The following RHBDL3 variants were observed in gnomAD, a reference collection of about 807,000 sequenced individuals.
The protein encoded by RHBDL3 is rhomboid like 3, also known as rhomboid-related protein 3.
RHBDL3 carries 28 observed loss-of-function variants against 48.2 expected under a neutral mutation model. That is an observed-to-expected ratio of 0.58 (90% confidence interval 0.43 to 0.80). The LOEUF (loss-of-function observed/expected upper bound fraction) is 0.80, where lower values mean the gene tolerates loss of function less well. Among genes scored for constraint, RHBDL3 ranks in the 30% least tolerant of loss-of-function variants. The pLI is 0.00. For synonymous variants in RHBDL3, 208 were observed against 232.3 expected, an observed-to-expected ratio of 0.90 and a Z score of 0.95; for missense variants, 464 against 542.7, an observed-to-expected ratio of 0.85 and a Z score of 1.44.
chr17:32,291,976 T>G (rs1475716497), intron 4 of RHBDL3, among the ~76,000 whole-genome samples: 1 of 151,982 alleles, frequency 6.6e-6, no homozygotes, highest in Non-Finnish European at 1.5e-5. Context: ...TTCACCACAT[T>G]GGTCAGTCTG....
intron 7 of RHBDL3, among the ~76,000 whole-genome samples, chr17:32,312,300 T>C (rs2040863033): frequency 1.3e-5 from 2 of 152,018 alleles, no homozygotes; most frequent in Non-Finnish European, 2.9e-5. Flanking sequence ...CCGGGTGTGG[T>C]ACAGTGTGCC....
chr17:32,316,999 G>T (rs1362144672), intron 8 of RHBDL3, among the ~76,000 whole-genome samples: 1 of 151,736 alleles, frequency 6.6e-6, no homozygotes, highest in East Asian at 1.9e-4. Flanking sequence ...AGCCCCCCAA[G>T]TAGCTAGGAT....
chr17:32,296,426 C>G (rs1331661426), intron 5 of RHBDL3, among the ~76,000 whole-genome samples: 1 of 147,214 alleles, frequency 6.8e-6, no homozygotes, highest in Non-Finnish European at 1.5e-5. Context: ...GCCACCACCT[C>G]CTGGGTTCAA....
intron 6 of RHBDL3, among the ~76,000 whole-genome samples, chr17:32,301,586 C>T (rs543470613): frequency 4.3e-4 from 65 of 151,876 alleles, no homozygotes; most frequent in Admixed American, 2.4e-3. Context: ...TTTGGGAGGC[C>T]GAGGCGAGCA....
intron 6 of RHBDL3, among the ~76,000 whole-genome samples, chr17:32,301,821 C>CA (rs946768436): frequency 9.7e-4 from 131 of 134,838 alleles, no homozygotes; most frequent in East Asian, 1.7e-3. Flanking sequence ...AACTCTGCCT[C>CA]AAAAAAAAAA....
intron 2 of RHBDL3, among the ~76,000 whole-genome samples, chr17:32,283,344 T>C (rs563135912): frequency 1.5e-4 from 19 of 125,686 alleles, no homozygotes; most frequent in East Asian, 4.4e-4. Context: ...TTTTTTGAGA[T>C]GGAGTCTCGC....
At chr17:32,273,990 C>T (rs1452433479) in intron 2 of RHBDL3, among the ~76,000 whole-genome samples, 8 of 152,234 alleles carry the variant, frequency 5.3e-5, no homozygotes, top group Non-Finnish European at 1.2e-4. Flanking sequence ...CCTGCCTCAG[C>T]CTCCCAAAGT....
intron 2 of RHBDL3, among the ~76,000 whole-genome samples, chr17:32,271,524 T>A (rs202178999): frequency 6.6e-6 from 1 of 152,210 alleles, no homozygotes; most frequent in Admixed American, 6.5e-5. Flanking sequence ...AGGTCAAATA[T>A]TTAGTCAAAG....
chr17:32,296,975 T>G (rs1419883060), intron 5 of RHBDL3, among the ~76,000 whole-genome samples: 3 of 151,718 alleles, frequency 2.0e-5, no homozygotes, highest in Non-Finnish European at 4.4e-5. Flanking sequence ...CAGCCTCAGC[T>G]TCTCTAGTAG....
In RHBDL3 at chr17:32,288,959, T is replaced by TA; in HGVS notation, c.462_463insA (p.Asp155ArgfsTer115). The TA allele has an allele frequency of 6.2e-7, 1 of 1,614,218 alleles. No homozygotes were observed. ...GGGAAATTGACCGCAAGTGGTACTATGACAGCTACACCTGCTGCCCCCCAC... is the reference window on the plus strand; with the variant it reads ...GGGAAATTGACCGCAAGTGGTACTATAGACAGCTACACCTGCTGCCCCCCAC... On this transcript the variant is annotated frameshift_variant, in exon 4 of 9. Transcript: ENST00000269051. LOFTEE classifies it high-confidence loss of function.
At chr17:32,297,681 T>TTTA (rs202196467) in intron 5 of RHBDL3, among the ~76,000 whole-genome samples, 1 of 112,966 alleles carries the variant, frequency 8.9e-6, no homozygotes, top group African/African-American at 3.3e-5. Context: ...TTTTTTTTTT[T>TTTA]CAGAGATGGT....
chr17:32,306,031 G>A (rs1317331871), intron 7 of RHBDL3, among the ~76,000 whole-genome samples: 1 of 152,148 alleles, frequency 6.6e-6, no homozygotes, highest in Admixed American at 6.6e-5. Context: ...TTCTCAAATA[G>A]GAAAGGAGGC....
chr17:32,290,735 G>C (rs1329253595), intron 4 of RHBDL3, among the ~76,000 whole-genome samples: 1 of 152,162 alleles, frequency 6.6e-6, no homozygotes, highest in African/African-American at 2.4e-5. Flanking sequence ...GAGTGCAGTG[G>C]TTCACACCTG....
Position 32,314,210 on chromosome 17 carries a change from G to T in RHBDL3, c.883-2022G>T, listed in dbSNP as rs114430124. 9.5e-3 allele frequency among the ~76,000 whole-genome samples: 1,441 copies of T among 152,232 alleles called. 27 individuals are homozygous for T. Among genetic ancestry groups the T allele is most frequent in the African/African-American group, 0.033 (1,361 of 41,524 alleles). ...GGCTCACCTCACCTTCTGTGAAGAA[G>T]GGGTGGCCGGTCAGTGAGGAAGAGT... On this transcript the variant is annotated intron_variant, in intron 7 of 8. Transcript: ENST00000269051.
intron 6 of RHBDL3, among the ~76,000 whole-genome samples, chr17:32,304,786 AT>A (rs1597671922): frequency 6.6e-6 from 1 of 152,182 alleles, no homozygotes; most frequent in African/African-American, 2.4e-5. Flanking sequence ...GAGTCAAAGA[AT>A]CAAATGGTTC....
chr17:32,289,608 T>C lies in RHBDL3; in HGVS notation c.519+592T>C, dbSNP rs77752250. Among the ~76,000 whole-genome samples, 453 of 152,330 alleles carry C rather than the reference T, an allele frequency of 3.0e-3. 9 individuals are homozygous for C. In the East Asian group the frequency reaches 0.049, roughly 17 times the overall value. On this transcript the variant is annotated intron_variant, in intron 4 of 8. Coordinates refer to ENST00000269051, the MANE Select transcript of RHBDL3 (RefSeq NM_138328.3). Reference sequence around the variant, plus strand: ...ACATTTTTAAAGAACATTCTCCCCTTAGGGAATCCTCTGTGCCTATTGTTA... The same window carrying C: ...ACATTTTTAAAGAACATTCTCCCCTCAGGGAATCCTCTGTGCCTATTGTTA...
In RHBDL3 at chr17:32,310,319, T is replaced by C. The variant is rs555289877; in HGVS notation, c.882+4878T>C. Among the ~76,000 whole-genome samples the C allele has an allele frequency of 4.6e-5, 7 of 151,640 alleles. No homozygotes were observed. The East Asian group carries it at 6.0e-4, about 13-fold the overall frequency. ...TTTATTGGCCGGGCGTGGTGGCTCA[T>C]GCCTGTAATCCCTGCACTTTGGGAG... On this transcript the variant is annotated intron_variant, in intron 7 of 8. Coordinates refer to ENST00000269051, the MANE Select transcript of RHBDL3 (RefSeq NM_138328.3).
chr17:32,284,552 G>A, intron 2 of RHBDL3, 107 bp from the exon 3 acceptor site: 1 of 1,085,072 alleles, frequency 9.2e-7, no homozygotes, highest in Non-Finnish European at 1.4e-6. Context: ...CTCTGCCAGG[G>A]GCTGGGGACT....
chr17:32,316,389 GAA>G, intron 8 of RHBDL3, 97 bp downstream of exon 8: 2 of 851,636 alleles, frequency 2.3e-6, no homozygotes, highest in Non-Finnish European at 1.9e-6. Flanking sequence ...TTATGGTCAA[GAA>G]AAAAAAAGTG....
Sources: gnomAD v4.1 joint callset for allele counts (sites outside exome capture counted in the v4.1 genomes callset) on GRCh38, gnomAD v4.1.1 for gene constraint, MANE v1.5 for transcripts, NCBI Gene and HGNC (gene_info 2026-07-23, HGNC 2026-07-21) for gene names.